The following KHNYN variants were observed in gnomAD, a reference collection of about 807,000 sequenced individuals.
KHNYN encodes the protein protein KHNYN.
A neutral mutation model predicts 62.7 loss-of-function variants in KHNYN; 42 were observed. The observed-to-expected ratio is 0.67, with a 90% CI of 0.52 to 0.87. The LOEUF is 0.87. Ranked by LOEUF, KHNYN falls within the 40% of genes least tolerant of loss-of-function variation. The pLI is 0.00. For synonymous variants in KHNYN, 347 were observed against 345.6 expected (o/e 1.00, Z -0.04); for missense variants, 829 against 874.1 (o/e 0.95, Z 0.65).
chr14:24,441,608 C>T lies in KHNYN; in HGVS notation c.*4323C>T. 7.2e-7 allele frequency: 1 copy of T among 1,385,468 alleles called. No individual in the cohort carries two copies. The highest frequency in any genetic ancestry group is 9.9e-7 in the Non-Finnish European group (1 of 1,010,422). The allele number at this position is 1,385,468 out of a possible 1,614,324, so 85.8% of individuals were successfully genotyped here. A position where few individuals can be genotyped will look rare whatever the true frequency, so the allele number is the denominator to read the frequency against. ...GACCAGTGCTCTGGTGTGTGCATAGCTACAGAGGTCTGAGTTACCCCGTTC... is the reference window on the plus strand; with the variant it reads ...GACCAGTGCTCTGGTGTGTGCATAGTTACAGAGGTCTGAGTTACCCCGTTC... On this transcript the variant is annotated 3_prime_UTR_variant, in exon 8 of 8. Coordinates refer to ENST00000553935, the MANE Select transcript of KHNYN (RefSeq NM_015299.3).
rs762778196 is a variant in KHNYN at position 24,432,616 on chromosome 14, T to A, written c.1349+6T>A. The stretch of plus-strand genomic sequence containing the variant: ...GGCAGCAACGTGGCCATGGTGTGAG[T>A]ACCTGGTGGGGCTAAGGGCCTAGGA... On this transcript the variant is annotated splice_donor_region_variant and intron_variant, in intron 3 of 7. Transcript: ENST00000553935. The surrounding 1 kb of genome is among the most constrained non-coding windows in gnomAD (Gnocchi z 5.6). 1 of 1,607,082 alleles carries A rather than the reference T, an allele frequency of 6.2e-7. No homozygotes were observed. The highest frequency in any genetic ancestry group is 1.1e-5 in the South Asian group (1 of 90,586).
intron 7 of KHNYN, 67 bp downstream of exon 7, chr14:24,436,556 A>T: frequency 8.4e-7 from 1 of 1,194,156 alleles, no homozygotes; most frequent in East Asian, 2.4e-5. Flanking sequence ...AGGCCCAGAG[A>T]CTTGGGTGGA....
Position 24,431,852 on chromosome 14 carries a change from G to A in KHNYN, c.591G>A (p.Ala197=), listed in dbSNP as rs369729218. 3 of 1,614,084 alleles carry A rather than the reference G, an allele frequency of 1.9e-6. No individual in the cohort carries two copies. The highest frequency in any genetic ancestry group is 1.7e-5 in the Admixed American group (1 of 60,036). The change falls in exon 3 of 8, where the codon GCG becomes GCA. Residue 197 remains alanine, a synonymous_variant. Transcript: ENST00000553935. ...AGCTGCTGAGTCTGGTGCAGGAGGC[G>A]TCTAGTGGGCAGGGGCCAGGAGCAC... The part of the protein sequence containing the change: ...QEELLSLVQE[A]SSGQGPGALA...
At chr14:24,423,508 C>T in the KHNYN span, among the ~76,000 whole-genome samples, 5 of 151,388 alleles carry the variant, frequency 3.3e-5, no homozygotes, top group Admixed American at 3.3e-4. Flanking sequence ...TGGGCAGGGT[C>T]CTGCTTGGAG....
rs1352660202 is a variant in KHNYN, at chr14:24,431,970, A to T, written c.709A>T (p.Thr237Ser). The change falls in exon 3 of 8, where the codon ACT becomes TCT. Residue 237 changes from threonine to serine, a missense_variant. Thr to Ser is a moderately conservative substitution (Grantham distance 58). Around this residue, in one of 2 missense-constraint regions of KHNYN, gnomAD observed 559 missense variants for 527.0 expected, o/e 1.06. Transcript: ENST00000553935. ...PPSDGRESLD[T>S]GSMGPGDCRG... ...TAGTGACGGCAGGGAGTCCCTGGAC[A>T]CTGGATCTATGGGACCCGGAGATTG... The T allele has an allele frequency of 6.2e-7, 1 of 1,612,604 alleles. No individual in the cohort carries two copies. The highest frequency in any genetic ancestry group is 1.3e-5 in the African/African-American group (1 of 74,890).
At chr14:24,424,128 TTTATA>T in the KHNYN span, among the ~76,000 whole-genome samples, 1 of 152,210 alleles carries the variant, frequency 6.6e-6, no homozygotes, top group Non-Finnish European at 1.5e-5. Context: ...GATTATAAAG[TTTATA>T]ACACCTATGC....
intron 5 of KHNYN, among the ~76,000 whole-genome samples, chr14:24,435,208 A>G (rs2043187257): frequency 6.6e-6 from 1 of 152,250 alleles, no homozygotes; most frequent in Non-Finnish European, 1.5e-5. Context: ...AGTTGGAGAA[A>G]TATGGAAGTC....
At position 24,431,941 on chromosome 14, in the gene KHNYN, C is replaced by T. The variant is rs760232261; in HGVS notation, c.680C>T (p.Pro227Leu). The T allele has an allele frequency of 3.1e-6, 5 of 1,613,470 alleles. No homozygotes were observed. The highest frequency in any genetic ancestry group is 1.1e-5 in the South Asian group (1 of 91,062). Residue 227 changes from proline (P) to leucine (L), a missense_variant, in exon 3 of 8, where the codon CCC becomes CTC. By Grantham distance (98) the Pro-to-Leu change is moderately conservative (BLOSUM62 -3). Transcript: ENST00000553935. Reference protein sequence around the residue: ...LGAQCQGVRAPPSDGRESLDT... With the variant: ...LGAQCQGVRALPSDGRESLDT... Reference sequence around the variant, plus strand: ...GCTCAGTGCCAAGGAGTGAGAGCTCCCCCTAGTGACGGCAGGGAGTCCCTG... The same window carrying T: ...GCTCAGTGCCAAGGAGTGAGAGCTCTCCCTAGTGACGGCAGGGAGTCCCTG...
chr14:24,437,365 T>C lies in KHNYN; in HGVS notation c.*80T>C. ...GCCCTTTCTGTGAGAGTCCCTCTGC[T>C]GCTCACTCTGATCCAGAGGCACCCT... On this transcript the variant is annotated 3_prime_UTR_variant, in exon 8 of 8. Coordinates refer to ENST00000553935, the MANE Select transcript of KHNYN (RefSeq NM_015299.3). The surrounding 1 kb of genome is among the most constrained non-coding windows in gnomAD (Gnocchi z 5.5). The C allele has an allele frequency of 6.6e-7, 1 of 1,511,520 alleles. No individual in the cohort carries two copies. Among genetic ancestry groups the C allele is most frequent in the Non-Finnish European group, 8.9e-7 (1 of 1,119,360 alleles). The allele number at this position is 1,511,520 out of a possible 1,614,324, so 93.6% of individuals were successfully genotyped here. A position where few individuals can be genotyped will look rare whatever the true frequency, so the allele number is the denominator to read the frequency against.
At chr14:24,428,344 C>A (rs1268234052), upstream of KHNYN, 4 of 1,613,930 alleles carry the variant, frequency 2.5e-6, no homozygotes, top group Non-Finnish European at 3.4e-6. Context: ...GTAGACACCC[C>A]GGACAGGGGC....
chr14:24,429,620 T>C, upstream of KHNYN: 2 of 1,049,272 alleles, frequency 1.9e-6, no homozygotes, highest in Non-Finnish European at 2.4e-6. Flanking sequence ...TCCGCCACGA[T>C]TGCTTTGGTG....
rs779905915 is a variant in KHNYN, at chr14:24,436,188, G to T, written c.1685+9G>T. ...GCAATCATCAGAGAACGGTGAGGGA[G>T]CCCTCCCGCTGAGAACTGGGCACAG... On this transcript the variant is annotated intron_variant, in intron 6 of 7. Coordinates refer to ENST00000553935, the MANE Select transcript of KHNYN (RefSeq NM_015299.3). 9 of 1,606,666 alleles carry T rather than the reference G, an allele frequency of 5.6e-6. No individual in the cohort carries two copies. Among genetic ancestry groups the T allele is most frequent in the Admixed American group, 3.3e-5 (2 of 60,012 alleles).
chr14:24,430,164 C>G, intron 1 of KHNYN, 45 bp downstream of exon 1: 1 of 982,372 alleles, frequency 1.0e-6, no homozygotes, highest in Non-Finnish European at 1.2e-6. Flanking sequence ...GAGCGGGGGC[C>G]GCGGTGCGGA....
chr14:24,434,240 A>G (rs1037153043), intron 5 of KHNYN: 3 of 985,360 alleles, frequency 3.0e-6, no homozygotes, highest in Admixed American at 6.1e-5. Context: ...GGCAGATAAC[A>G]TAATATAAAT....
rs2043135353 is a variant in KHNYN at position 24,432,391 on chromosome 14, G to C, written c.1130G>C (p.Gly377Ala). ...PWHCGDRGDC[G>A]DRGDVGDRGD... ...CACTGTGGAGACCGGGGTGACTGCG[G>C]AGACCGGGGAGACGTGGGGGACAGG... The change falls in exon 3 of 8, where the codon GGA becomes GCA. Residue 377 changes from glycine to alanine, a missense_variant. This residue lies in a region of KHNYN where 559 missense variants were observed against 527.0 expected (regional missense o/e 1.06). Transcript: ENST00000553935. The surrounding 1 kb of genome is among the most constrained non-coding windows in gnomAD (Gnocchi z 5.6). 6.2e-7 allele frequency: 1 copy of C among 1,613,834 alleles called. No individual in the cohort carries two copies. The highest frequency in any genetic ancestry group is 8.5e-7 in the Non-Finnish European group (1 of 1,179,950).
chr14:24,432,120 C>T lies in KHNYN; in HGVS notation c.859C>T (p.Leu287Phe), dbSNP rs1467742507. ...GEEAWEREVA[L>F]RPQSVGGGAR... ...AGAGGCGTGGGAGAGAGAAGTGGCC[C>T]TCAGGCCACAGTCAGTGGGTGGAGG... is the stretch of plus-strand genomic sequence containing the variant. Residue 287 changes from leucine (L) to phenylalanine (F), a missense_variant, in exon 3 of 8, where the codon CTC becomes TTC. Physicochemically the swap from Leu to Phe is conservative, Grantham distance 22 (BLOSUM62 0). Coordinates refer to ENST00000553935, the MANE Select transcript of KHNYN (RefSeq NM_015299.3). The surrounding 1 kb of genome is among the most constrained non-coding windows in gnomAD (Gnocchi z 5.6). 2 of 1,551,074 alleles carry T rather than the reference C, an allele frequency of 1.3e-6. No individual in the cohort carries two copies. Among genetic ancestry groups the T allele is most frequent in the Non-Finnish European group, 1.7e-6 (2 of 1,147,848 alleles).
upstream of KHNYN, chr14:24,428,316 C>T (rs1345479929): frequency 1.9e-6 from 3 of 1,613,788 alleles, no homozygotes; most frequent in East Asian, 4.5e-5. Context: ...ACACCTTCAC[C>T]ACATGGAACC....
At chr14:24,428,635 G>T, upstream of KHNYN, 1 of 1,251,064 alleles carries the variant, frequency 8.0e-7, no homozygotes, top group Non-Finnish European at 1.1e-6. Flanking sequence ...GGCCAGATTA[G>T]TGAAAGATGT....
chr14:24,434,068 C>T (rs1309557559), intron 5 of KHNYN: 13 of 873,236 alleles, frequency 1.5e-5, no homozygotes, highest in African/African-American at 5.4e-5. Flanking sequence ...AAGCAGTTTA[C>T]GTTCTCCCAA....
Sources: allele counts gnomAD v4.1 joint callset (sites outside exome capture counted in the v4.1 genomes callset), GRCh38; gene constraint gnomAD v4.1.1; regional missense constraint gnomAD v4.1.1; non-coding constraint Gnocchi (gnomAD v3.1); transcripts MANE v1.5; gene names NCBI Gene and HGNC (gene_info 2026-07-23, HGNC 2026-07-21).